The following ARHGEF28 variants were observed in gnomAD, a reference collection of about 807,000 sequenced individuals.
The protein encoded by ARHGEF28 is 190 kDa guanine nucleotide exchange factor.
In ARHGEF28, 152 loss-of-function variants were observed where a neutral mutation model predicts 206.6. That is an observed-to-expected ratio of 0.74 (90% CI 0.64 to 0.84). The LOEUF is 0.84. Ranked by LOEUF, ARHGEF28 falls within the 40% of genes least tolerant of loss-of-function variation. ARHGEF28 has a pLI of 0.00. For synonymous variants in ARHGEF28, 763 were observed against 776.4 expected (o/e 0.98, Z 0.29); for missense variants, 2,028 against 2,073.2 (o/e 0.98, Z 0.42).
At chr5:73,742,283 G>A (rs1001348312) in intron 2 of ARHGEF28, among the ~76,000 whole-genome samples, 40 of 151,906 alleles carry the variant, frequency 2.6e-4, no homozygotes, top group African/African-American at 8.5e-4. Context: ...GTACTATTTG[G>A]AGTAGTCTAT....
rs1336154565 is a variant in ARHGEF28, at chr5:73,745,940, A to G, written c.34-3897A>G. Among the ~76,000 whole-genome samples the G allele has an allele frequency of 2.0e-5, 3 of 152,118 alleles. No individual in the cohort carries two copies. The East Asian group carries it at 5.8e-4, about 29-fold the overall frequency. On this transcript the variant is annotated intron_variant, in intron 2 of 35. Transcript: ENST00000513042. Reference sequence around the variant, plus strand: ...CCAGCAATGTTTACATTATTTTGCAATAGACTTTTATGAAAGTGAGCAATA... The same window carrying G: ...CCAGCAATGTTTACATTATTTTGCAGTAGACTTTTATGAAAGTGAGCAATA...
At chr5:73,860,830 C>G (rs1759352789) in intron 16 of ARHGEF28, among the ~76,000 whole-genome samples, 1 of 152,184 alleles carries the variant, frequency 6.6e-6, no homozygotes, top group African/African-American at 2.4e-5. Context: ...TCATCTGGAA[C>G]TGCTCATTAG....
At chr5:73,674,544 C>T (rs762650900) in intron 1 of ARHGEF28, among the ~76,000 whole-genome samples, 5 of 152,186 alleles carry the variant, frequency 3.3e-5, no homozygotes, top group Non-Finnish European at 7.4e-5. Flanking sequence ...ATTCTTTCTC[C>T]TGTTTCCTGG....
chr5:73,680,872 C>CT lies in ARHGEF28; in HGVS notation c.-11-3960dup, dbSNP rs201755245. 6.0e-3 allele frequency among the ~76,000 whole-genome samples: 911 copies of CT among 150,924 alleles called. 4 individuals carry two copies. Among genetic ancestry groups the CT allele is most frequent in the Non-Finnish European group, 8.7e-3 (588 of 67,728 alleles). On this transcript the variant is annotated intron_variant, in intron 1 of 35. Coordinates refer to ENST00000513042, the MANE Select transcript of ARHGEF28 (RefSeq NM_001177693.2). ...TTACTCATAAAGAAATTCCTTTTAT[C>CT]TTTTTTTTTCTTTAGAGATGGAGTT...
At chr5:73,803,915 T>G (rs1290398075) in intron 9 of ARHGEF28, among the ~76,000 whole-genome samples, 14 of 151,876 alleles carry the variant, frequency 9.2e-5, no homozygotes, top group African/African-American at 3.4e-4. Flanking sequence ...AGTGAGACCC[T>G]GTCTCTACAA....
At chr5:73,809,469 G>T (rs947263656) in intron 9 of ARHGEF28, among the ~76,000 whole-genome samples, 1 of 152,116 alleles carries the variant, frequency 6.6e-6, no homozygotes, top group South Asian at 2.1e-4. Flanking sequence ...ATTTGAACCC[G>T]GATATCTGTG....
chr5:73,882,492 TA>T lies in ARHGEF28; in HGVS notation c.2839del (p.Met947Ter). 3 of 1,459,168 alleles carry T rather than the reference TA, an allele frequency of 2.1e-6. No homozygotes were observed. The highest frequency in any genetic ancestry group is 2.8e-6 in the Non-Finnish European group (3 of 1,087,636). The allele number at this position is 1,459,168 out of a possible 1,614,324, so 90.4% of individuals were successfully genotyped here. ...TCCAGTTTTCAGAAGAAAATGCAAGTAAAATGAAGAAAATATATGGAGAATT... is the reference window on the plus strand; with the variant it reads ...TCCAGTTTTCAGAAGAAAATGCAAGTAAATGAAGAAAATATATGGAGAATT... ...VQQFSEENAS[K>X]MKKIYGEFCC... is the part of the protein sequence containing the mutation. On this transcript the variant is annotated frameshift_variant, in exon 23 of 36. Coordinates refer to ENST00000513042, the MANE Select transcript of ARHGEF28 (RefSeq NM_001177693.2). LOFTEE classifies it high-confidence loss of function.
rs562652270 is a variant in ARHGEF28, at chr5:73,631,351, C to G, written c.-12+5029C>G. On this transcript the variant is annotated intron_variant, in intron 1 of 35. Transcript: ENST00000513042. ...TGGTTCTTTTTCAACAGTGCTTCTCCTTTTCTTGCTTCACCAGCCTCCTGG... is the reference window on the plus strand; with the variant it reads ...TGGTTCTTTTTCAACAGTGCTTCTCGTTTTCTTGCTTCACCAGCCTCCTGG... Among the ~76,000 whole-genome samples the G allele has an allele frequency of 1.2e-4, 18 of 152,192 alleles. No individual in the cohort carries two copies. In the East Asian group the frequency reaches 3.3e-3, roughly 28 times the overall value.
chr5:73,815,215 C>G (rs1756118423), intron 9 of ARHGEF28, among the ~76,000 whole-genome samples: 1 of 149,888 alleles, frequency 6.7e-6, no homozygotes, highest in Non-Finnish European at 1.5e-5. Flanking sequence ...TATATATGAG[C>G]ACAAGCATGC....
intron 2 of ARHGEF28, among the ~76,000 whole-genome samples, chr5:73,749,571 GA>G (rs1751917465): frequency 6.6e-6 from 1 of 152,206 alleles, no homozygotes. Context: ...TTTAAAGAAA[GA>G]AAAAATTCTT....
chr5:73,703,671 G>T (rs72770825), intron 2 of ARHGEF28, among the ~76,000 whole-genome samples: 3 of 151,628 alleles, frequency 2.0e-5, no homozygotes, highest in Admixed American at 6.6e-5. Flanking sequence ...GTGTGTGTGT[G>T]TGTTATGAGT....
chr5:73,675,688 G>A (rs529562578), intron 1 of ARHGEF28, among the ~76,000 whole-genome samples: 21 of 132,362 alleles, frequency 1.6e-4, no homozygotes, highest in Non-Finnish European at 2.6e-4. Flanking sequence ...AGCCAAGATC[G>A]CACCACTGCA....
chr5:73,791,230 C>A (rs1050904103), intron 7 of ARHGEF28, among the ~76,000 whole-genome samples: 1 of 152,202 alleles, frequency 6.6e-6, no homozygotes, highest in Non-Finnish European at 1.5e-5. Context: ...GGAAATCGAT[C>A]TGGTCCCAGC....
chr5:73,938,276 G>C (rs1195292181), intron 35 of ARHGEF28, among the ~76,000 whole-genome samples: 1 of 151,226 alleles, frequency 6.6e-6, no homozygotes, highest in African/African-American at 2.4e-5. Flanking sequence ...ACTTAAAAAA[G>C]AGTTATTTCT....
chr5:73,910,038 C>A, intron 34 of ARHGEF28, 141 bp downstream of exon 34: 1 of 1,282,842 alleles, frequency 7.8e-7, no homozygotes, highest in Non-Finnish European at 1.0e-6. Flanking sequence ...TGTAGGTAGC[C>A]AAAGCTGGAA....
At chr5:73,694,552 C>T (rs1272264632) in intron 2 of ARHGEF28, among the ~76,000 whole-genome samples, 1 of 152,190 alleles carries the variant, frequency 6.6e-6, no homozygotes, top group African/African-American at 2.4e-5. Flanking sequence ...GGAGAAGCCT[C>T]AGTAAAAGAA....
At chr5:73,698,903 G>A (rs1748392112) in intron 2 of ARHGEF28, among the ~76,000 whole-genome samples, 1 of 151,828 alleles carries the variant, frequency 6.6e-6, no homozygotes, top group African/African-American at 2.4e-5. Flanking sequence ...GGAGGGGAGG[G>A]TTGCTGTGAG....
chr5:73,740,170 C>T (rs1310536938), intron 2 of ARHGEF28, among the ~76,000 whole-genome samples: 2 of 126,960 alleles, frequency 1.6e-5, no homozygotes, highest in Non-Finnish European at 3.3e-5. Flanking sequence ...TAGTGAGAAC[C>T]TATCTCAAAA....
intron 6 of ARHGEF28, among the ~76,000 whole-genome samples, chr5:73,779,647 C>T (rs1753723696): frequency 6.6e-6 from 1 of 152,112 alleles, no homozygotes; most frequent in African/African-American, 2.4e-5. Flanking sequence ...GTGACCCCTC[C>T]TCCATCCTTG....
Sources: allele counts gnomAD v4.1 joint callset (sites outside exome capture counted in the v4.1 genomes callset), GRCh38; gene constraint gnomAD v4.1.1; transcripts MANE v1.5; gene names NCBI Gene and HGNC (gene_info 2026-07-23, HGNC 2026-07-21).